Variants in EIF3L observed in about 807,000 individuals in gnomAD.
EIF3L encodes eukaryotic translation initiation factor 3 subunit L, also known as eIEF associated protein HSPC021.
A neutral mutation model predicts 74.6 loss-of-function variants in EIF3L; 32 were observed. The ratio of observed to expected loss-of-function variants is 0.43; its 90% CI spans 0.32 to 0.58. The LOEUF is 0.58. Among genes scored for constraint, EIF3L ranks in the 20% least tolerant of loss-of-function variants. The pLI is 0.06. For synonymous variants in EIF3L, 256 were observed against 254.4 expected (o/e 1.01, Z -0.06); for missense variants, 474 against 707.8 (o/e 0.67, Z 3.75).
intron 7 of EIF3L, among the ~76,000 whole-genome samples, chr22:37,865,599 C>T (rs903104536): frequency 1.3e-5 from 2 of 152,094 alleles, no homozygotes; most frequent in African/African-American, 2.4e-5. Flanking sequence ...ACTCCGTGAA[C>T]CAGGGAGACG....
At chr22:37,857,380 A>AC (rs1246501376) in intron 4 of EIF3L, among the ~76,000 whole-genome samples, 5 of 150,984 alleles carry the variant, frequency 3.3e-5, no homozygotes, top group Middle Eastern at 3.4e-3. Flanking sequence ...AAAAAAAAAA[A>AC]AAAAAAAAAA....
At chr22:37,876,899 A>T (rs1305569537) in intron 10 of EIF3L, 2 of 152,148 alleles carry the variant, frequency 1.3e-5, no homozygotes, top group Non-Finnish European at 2.9e-5. Flanking sequence ...AAGTGTGGTG[A>T]TGCAGCCGCA....
intron 10 of EIF3L, 80 bp downstream of exon 10, chr22:37,876,091 A>G: frequency 6.8e-7 from 1 of 1,467,218 alleles, no homozygotes; most frequent in Non-Finnish European, 9.3e-7. Context: ...TTCTTGGTAA[A>G]CACCATCCAA....
intron 12 of EIF3L, chr22:37,887,216 C>T (rs1601788622): frequency 5.9e-6 from 1 of 168,682 alleles, no homozygotes; most frequent in South Asian, 1.2e-4. Context: ...AGGCATGAGC[C>T]ACCATGCCTG....
At position 37,870,231 on chromosome 22, in the gene EIF3L, T is replaced by C. The variant is rs141774718; in HGVS notation, c.635T>C (p.Ile212Thr). 90 of 1,613,838 alleles carry C rather than the reference T, an allele frequency of 5.6e-5. No homozygotes were observed. The highest frequency in any genetic ancestry group is 6.6e-5 in the Non-Finnish European group (78 of 1,179,914). ...ACTGCCAAGAAGTCAGAGGAGGAGA[T>C]TGACTTTCTTCGTTCCAATCCCAAA... The part of the protein sequence containing the change: ...CKTAKKSEEE[I>T]DFLRSNPKIW... The change falls in exon 8 of 13, where the codon ATT (isoleucine) becomes ACT (threonine). Residue 212 changes from isoleucine to threonine, a missense_variant. This residue lies in a region of EIF3L where 293 missense variants were observed against 469.1 expected (regional missense o/e 0.62). Transcript: ENST00000652021.
At chr22:37,849,560 G>A (rs1925044365) in intron 1 of EIF3L, 78 bp downstream of exon 1, 1 of 1,486,172 alleles carries the variant, frequency 6.7e-7, no homozygotes, top group Non-Finnish European at 9.1e-7. Context: ...CCCGGCGCGA[G>A]GCAGCTTCCG....
At chr22:37,867,406 C>T (rs1045460946) in intron 7 of EIF3L, among the ~76,000 whole-genome samples, 1 of 152,110 alleles carries the variant, frequency 6.6e-6, no homozygotes, top group Non-Finnish European at 1.5e-5. Flanking sequence ...CGCCTGTAAT[C>T]TTAGCACTCT....
intron 5 of EIF3L, among the ~76,000 whole-genome samples, chr22:37,859,096 C>A (rs1369266988): frequency 6.6e-6 from 1 of 151,618 alleles, no homozygotes; most frequent in Non-Finnish European, 1.5e-5. Flanking sequence ...GCCTCTGTTT[C>A]TCTGAGATGT....
intron 1 of EIF3L, chr22:37,849,746 A>C: frequency 3.3e-6 from 2 of 600,454 alleles, no homozygotes; most frequent in Non-Finnish European, 5.8e-6. Context: ...TCTGCACCTG[A>C]GTTTTTTTGG....
rs753747792 is a variant in EIF3L at position 37,851,293 on chromosome 22, G to C, written c.96G>C (p.Gln32His). 10 of 1,614,108 alleles carry C rather than the reference G, an allele frequency of 6.2e-6. No individual in the cohort carries two copies. The South Asian group carries it at 9.9e-5, about 16-fold the overall frequency. Reference sequence around the variant, plus strand: ...TCCAACCTCCAGGAGATCCAAAGCAGGACCTTGCTTATGAACGTCAGTATG... The same window carrying C: ...TCCAACCTCCAGGAGATCCAAAGCACGACCTTGCTTATGAACGTCAGTATG... ...DYDMHTGDPKQDLAYERQYEQ... is the reference protein window; with the variant it reads ...DYDMHTGDPKHDLAYERQYEQ... Residue 32 changes from glutamine (Q) to histidine (H), a missense_variant, in exon 3 of 13, where the codon CAG (glutamine) becomes CAC (histidine). Transcript: ENST00000652021.
intron 2 of EIF3L, among the ~76,000 whole-genome samples, chr22:37,850,978 C>T (rs181751586): frequency 3.9e-5 from 6 of 152,326 alleles, no homozygotes; most frequent in Non-Finnish European, 5.9e-5. Flanking sequence ...TCCCCTCCAA[C>T]GCACACTTTT....
At chr22:37,874,051 C>T (rs1288297939) in intron 8 of EIF3L, among the ~76,000 whole-genome samples, 2 of 152,074 alleles carry the variant, frequency 1.3e-5, no homozygotes, top group African/African-American at 4.8e-5. Context: ...AGGAAAATAG[C>T]TTTGACCTCA....
intron 11 of EIF3L, chr22:37,881,079 T>C (rs1601782118): frequency 6.6e-6 from 1 of 152,350 alleles, no homozygotes; most frequent in East Asian, 1.9e-4. Context: ...TACATTTATA[T>C]ATGCCTATGT....
In EIF3L at chr22:37,851,050, G is replaced by C. The variant is rs532112174; in HGVS notation, c.83-230G>C. Among the ~76,000 whole-genome samples the C allele has an allele frequency of 3.3e-5, 5 of 152,292 alleles. No individual in the cohort carries two copies. The South Asian group carries it at 1.0e-3, about 32-fold the overall frequency. On this transcript the variant is annotated intron_variant, in intron 2 of 12. Coordinates refer to ENST00000652021, the MANE Select transcript of EIF3L (RefSeq NM_016091.4). ...GAGATTCCTGACTTCCTAGACTTGGGAGAAGGGTGCAAAACAGATAATAAG... is the reference window on the plus strand; with the variant it reads ...GAGATTCCTGACTTCCTAGACTTGGCAGAAGGGTGCAAAACAGATAATAAG...
chr22:37,863,090 C>T, intron 6 of EIF3L, 52 bp downstream of exon 6: 1 of 1,422,480 alleles, frequency 7.0e-7, no homozygotes, highest in Non-Finnish European at 9.6e-7. Flanking sequence ...TGAGGTTCAG[C>T]ATTGGCCTCC....
chr22:37,850,153 G>A, intron 2 of EIF3L, 90 bp downstream of exon 2: 2 of 1,458,554 alleles, frequency 1.4e-6, no homozygotes, highest in South Asian at 1.1e-5. Context: ...ATCAAAAATT[G>A]CTCTTTGATG....
intron 4 of EIF3L, among the ~76,000 whole-genome samples, chr22:37,857,606 G>A (rs566845706): frequency 7.3e-5 from 11 of 150,922 alleles, no homozygotes; most frequent in Non-Finnish European, 1.2e-4. Context: ...GTGCAGTGGC[G>A]CGATCTCTGC....
At chr22:37,852,909 A>G (rs1198423866) in intron 3 of EIF3L, among the ~76,000 whole-genome samples, 1 of 152,178 alleles carries the variant, frequency 6.6e-6, no homozygotes, top group East Asian at 1.9e-4. Flanking sequence ...CCAGCCGAAG[A>G]AGGTGCAGCA....
At chr22:37,865,124 A>G (rs542046103) in intron 7 of EIF3L, among the ~76,000 whole-genome samples, 1 of 152,252 alleles carries the variant, frequency 6.6e-6, no homozygotes, top group East Asian at 1.9e-4. Flanking sequence ...TTGGGGTCCA[A>G]GGCAGTAGGA....
Sources: allele counts gnomAD v4.1 joint callset (sites outside exome capture counted in the v4.1 genomes callset), GRCh38; gene constraint gnomAD v4.1.1; regional missense constraint gnomAD v4.1.1; transcripts MANE v1.5; gene names NCBI Gene and HGNC (gene_info 2026-07-23, HGNC 2026-07-21).